Variants in CDK14 observed in about 807,000 individuals in gnomAD.
The protein encoded by CDK14 is cyclin-dependent kinase 14.
A neutral mutation model predicts 60.7 loss-of-function variants in CDK14; 34 were observed. The ratio of observed to expected loss-of-function variants is 0.56; its 90% CI spans 0.43 to 0.75. The LOEUF (loss-of-function observed/expected upper bound fraction) is 0.75. Ranked by LOEUF, CDK14 falls within the 30% of genes least tolerant of loss-of-function variation. The pLI, the probability that CDK14 is intolerant of heterozygous loss-of-function variation, is 0.00. For synonymous variants in CDK14, 197 were observed against 203.7 expected (o/e 0.97, Z 0.28); for missense variants, 482 against 564.1 (o/e 0.85, Z 1.47).
At chr7:90,882,386 A>T (rs1254601572) in intron 6 of CDK14, among the ~76,000 whole-genome samples, 3 of 152,210 alleles carry the variant, frequency 2.0e-5, no homozygotes, top group African/African-American at 7.2e-5. Context: ...CTCAAAAAGA[A>T]CAGCTAACTA....
chr7:90,887,100 T>TTTTG (rs1262284005), intron 6 of CDK14, among the ~76,000 whole-genome samples: 1 of 152,160 alleles, frequency 6.6e-6, no homozygotes. Context: ...ATATGAGGGA[T>TTTTG]TTTGTTTGTT....
chr7:90,637,308 G>A (rs1800177668), intron 2 of CDK14, among the ~76,000 whole-genome samples: 1 of 151,896 alleles, frequency 6.6e-6, no homozygotes, highest in Non-Finnish European at 1.5e-5. Context: ...TGCTTTGAAT[G>A]TGTCCCAGAG....
intron 3 of CDK14, among the ~76,000 whole-genome samples, chr7:90,740,206 T>G (rs1202062348): frequency 6.6e-6 from 1 of 151,766 alleles, no homozygotes; most frequent in African/African-American, 2.4e-5. Context: ...TGAAATATCT[T>G]TGTCCTTCAT....
chr7:91,131,741 CA>C (rs1439130137), intron 14 of CDK14, among the ~76,000 whole-genome samples: 1 of 152,102 alleles, frequency 6.6e-6, no homozygotes, highest in Non-Finnish European at 1.5e-5. Context: ...GGCTACTTTA[CA>C]GATGTTGGGA....
chr7:90,749,728 AC>A (rs1485288622), intron 4 of CDK14, among the ~76,000 whole-genome samples: 2 of 151,952 alleles, frequency 1.3e-5, no homozygotes, highest in East Asian at 3.9e-4. Flanking sequence ...CTCTGCAGAG[AC>A]TTGGGGCTAA....
chr7:90,652,827 G>A (rs945567552), intron 2 of CDK14, among the ~76,000 whole-genome samples: 1 of 152,176 alleles, frequency 6.6e-6, no homozygotes, highest in East Asian at 1.9e-4. Flanking sequence ...ACAAAGTGAC[G>A]GAAGTTAGGA....
chr7:91,069,075 ATAG>A (rs1161528514), intron 11 of CDK14, among the ~76,000 whole-genome samples: 11 of 152,240 alleles, frequency 7.2e-5, no homozygotes, highest in African/African-American at 2.4e-4. Context: ...TGCTCAATAC[ATAG>A]TAGTTGAAAT....
intron 9 of CDK14, among the ~76,000 whole-genome samples, chr7:90,962,922 G>A (rs1287858110): frequency 1.3e-5 from 2 of 152,052 alleles, no homozygotes; most frequent in East Asian, 1.9e-4. Flanking sequence ...CTCTTAGAAC[G>A]TCAATCAGCC....
At chr7:90,879,118 A>G (rs1791658267) in intron 6 of CDK14, among the ~76,000 whole-genome samples, 1 of 152,212 alleles carries the variant, frequency 6.6e-6, no homozygotes, top group South Asian at 2.1e-4. Flanking sequence ...GACTTGGACT[A>G]TCCTGACTGA....
intron 12 of CDK14, among the ~76,000 whole-genome samples, chr7:91,085,405 C>A (rs75613120): frequency 6.6e-6 from 1 of 152,174 alleles, no homozygotes; most frequent in Non-Finnish European, 1.5e-5. Flanking sequence ...AGCTTCTGAT[C>A]TCTCTGACTT....
chr7:90,605,300 C>T (rs530931177), intron 2 of CDK14, among the ~76,000 whole-genome samples: 3 of 152,298 alleles, frequency 2.0e-5, no homozygotes, highest in East Asian at 3.9e-4. Flanking sequence ...TCTGCTGCTT[C>T]ATCTGCTGCA....
intron 5 of CDK14, among the ~76,000 whole-genome samples, chr7:90,817,170 A>T (rs1483938632): frequency 1.3e-5 from 2 of 152,208 alleles, no homozygotes; most frequent in Non-Finnish European, 2.9e-5. Context: ...TAAAAGGAAA[A>T]TTAATAGCAT....
intron 14 of CDK14, among the ~76,000 whole-genome samples, chr7:91,126,121 C>A (rs1799935859): frequency 6.6e-6 from 1 of 152,086 alleles, no homozygotes; most frequent in African/African-American, 2.4e-5. Context: ...TGATACATTG[C>A]CAAATTAACC....
At chr7:90,726,519 A>G in intron 2 of CDK14, 48 bp from the exon 3 acceptor site, 3 of 1,585,636 alleles carry the variant, frequency 1.9e-6, no homozygotes, top group Non-Finnish European at 2.6e-6. Context: ...GTTTAGTGAT[A>G]TTAAAGTTGC....
At chr7:90,828,966 C>T (rs1015178798) in intron 5 of CDK14, among the ~76,000 whole-genome samples, 1 of 152,020 alleles carries the variant, frequency 6.6e-6, no homozygotes, top group Non-Finnish European at 1.5e-5. Context: ...CACAGATCTG[C>T]ATGTCTGGGG....
At chr7:90,993,244 A>G (rs1584208362) in intron 10 of CDK14, among the ~76,000 whole-genome samples, 1 of 152,288 alleles carries the variant, frequency 6.6e-6, no homozygotes, top group African/African-American at 2.4e-5. Context: ...GTGAGTGGGT[A>G]GTGAAGAATT....
chr7:91,192,641 C>T (rs1383696893), intron 14 of CDK14, among the ~76,000 whole-genome samples: 1 of 152,070 alleles, frequency 6.6e-6, no homozygotes, highest in Non-Finnish European at 1.5e-5. Context: ...GAAGCTCTCA[C>T]AATAATTTTT....
chr7:90,894,071 AT>A lies in CDK14; in HGVS notation c.640-5218del, dbSNP rs141494584. On this transcript the variant is annotated intron_variant, in intron 6 of 14. Coordinates refer to ENST00000380050, the MANE Select transcript of CDK14 (RefSeq NM_001287135.2). ...AATCTCTTCCAACAATTCTTCCCTA[AT>A]TCCCTACCTCTAAACACGCTACAGA... Among the ~76,000 whole-genome samples the A allele has an allele frequency of 7.1e-3, 1,074 of 152,214 alleles. 17 individuals carry two copies. Among genetic ancestry groups the A allele is most frequent in the African/African-American group, 0.025 (1,039 of 41,524 alleles).
chr7:91,115,421 G>T (rs1487205396), intron 13 of CDK14, among the ~76,000 whole-genome samples: 2 of 152,016 alleles, frequency 1.3e-5, no homozygotes, highest in African/African-American at 4.8e-5. Flanking sequence ...CATCATGAGG[G>T]CCCCTCCCTT....
Sources: gnomAD v4.1 joint callset for allele counts (sites outside exome capture counted in the v4.1 genomes callset) on GRCh38, gnomAD v4.1.1 for gene constraint, MANE v1.5 for transcripts, NCBI Gene and HGNC (gene_info 2026-07-23, HGNC 2026-07-21) for gene names.